EYS: variants seen among roughly 807,000 people sequenced by gnomAD.
EYS encodes the protein EGF-like photoreceptor maintenance factor, also known as protein eyes shut homolog.
A neutral mutation model predicts 282.1 loss-of-function variants in EYS; 250 were observed. The observed-to-expected ratio is 0.89, with a 90% CI of 0.80 to 0.98. EYS has a LOEUF of 0.98. Among genes scored for constraint, EYS ranks in the 50% least tolerant of loss-of-function variants. The pLI, the probability that EYS is intolerant of heterozygous loss-of-function variation, is 0.00. For missense variants in EYS, 4,016 were observed against 3,709.0 expected, an observed-to-expected ratio of 1.08 and a Z score of -2.15; for synonymous variants, 1,355 against 1,282.9, an observed-to-expected ratio of 1.06 and a Z score of -1.20.
At chr6:64,127,039 T>C (rs1428187857) in intron 31 of EYS, among the ~76,000 whole-genome samples, 3 of 152,192 alleles carry the variant, frequency 2.0e-5, no homozygotes, top group African/African-American at 7.2e-5. Flanking sequence ...CTGGAAGTAT[T>C]CTTAAATAAA....
chr6:64,499,622 T>A (rs533196478), intron 26 of EYS, among the ~76,000 whole-genome samples: 1 of 152,194 alleles, frequency 6.6e-6, no homozygotes, highest in East Asian at 1.9e-4. Context: ...ATATCCTACC[T>A]CTTATCTGTC....
chr6:64,949,749 A>G (rs1267208993), intron 14 of EYS, among the ~76,000 whole-genome samples: 1 of 151,910 alleles, frequency 6.6e-6, no homozygotes, highest in Non-Finnish European at 1.5e-5. Flanking sequence ...GGATCATCTT[A>G]AAATTTTGCC....
intron 29 of EYS, among the ~76,000 whole-genome samples, chr6:64,364,467 AG>A (rs955264303): frequency 1.3e-5 from 2 of 151,954 alleles, no homozygotes; most frequent in African/African-American, 4.8e-5. Context: ...TTTGTGAAAA[AG>A]TTTCTTGCTT....
At chr6:65,447,015 T>C (rs1768688876) in intron 5 of EYS, among the ~76,000 whole-genome samples, 1 of 151,636 alleles carries the variant, frequency 6.6e-6, no homozygotes, top group African/African-American at 2.4e-5. Flanking sequence ...TTGTATAGCC[T>C]ATCTTAATCC....
At chr6:65,214,098 G>A (rs1458821963) in intron 12 of EYS, among the ~76,000 whole-genome samples, 1 of 136,010 alleles carries the variant, frequency 7.4e-6, no homozygotes, top group African/African-American at 2.7e-5. Context: ...GGTGGAGCTT[G>A]CAGTGAGCCG....
rs1771463157 is a variant in EYS at position 65,001,391 on chromosome 6, T to G, written c.2138-3688A>C. Among the ~76,000 whole-genome samples the G allele has an allele frequency of 1.4e-5, 2 of 147,180 alleles. 1 individual carries two copies. The highest frequency in any genetic ancestry group is 3.0e-5 in the Non-Finnish European group (2 of 65,742). On this transcript the variant is annotated intron_variant, in intron 13 of 42. Transcript: ENST00000503581. ...GCCGCACAGTGGCCAAACTCCTCTCTGACCACTCCCAAACTCCTCTTGGTA... is the reference window on the plus strand; with the variant it reads ...GCCGCACAGTGGCCAAACTCCTCTCGGACCACTCCCAAACTCCTCTTGGTA...
intron 19 of EYS, among the ~76,000 whole-genome samples, chr6:64,878,376 A>C (rs945001767): frequency 6.6e-6 from 1 of 152,196 alleles, no homozygotes; most frequent in African/African-American, 2.4e-5. Flanking sequence ...AAGATAAAGA[A>C]GCTTTCTTCT....
At chr6:64,579,669 T>C (rs527530895) in intron 26 of EYS, among the ~76,000 whole-genome samples, 82 of 152,144 alleles carry the variant, frequency 5.4e-4, no homozygotes, top group African/African-American at 1.9e-3. Context: ...TTGGCTTAGG[T>C]CCTCTGCTTA....
chr6:65,489,900 T>C (rs1453100709), intron 5 of EYS: 1 of 152,220 alleles, frequency 6.6e-6, no homozygotes, highest in East Asian at 1.9e-4. Flanking sequence ...ACGCTGGAAG[T>C]TCTCAGTCAT....
intron 2 of EYS, among the ~76,000 whole-genome samples, chr6:65,549,982 T>A (rs1768542034): frequency 7.7e-6 from 1 of 130,324 alleles, no homozygotes; most frequent in Non-Finnish European, 1.6e-5. Context: ...AGGGGCAAGG[T>A]GGCAACCATC....
intron 2 of EYS, among the ~76,000 whole-genome samples, chr6:65,534,338 G>T (rs557458772): frequency 6.6e-6 from 1 of 152,208 alleles, no homozygotes; most frequent in Non-Finnish European, 1.5e-5. Flanking sequence ...AGTTTTATAT[G>T]AAGTTTACTG....
At position 65,031,640 on chromosome 6, in the gene EYS, A is replaced by G. The variant is rs142133407; in HGVS notation, c.2137+25974T>C. Among the ~76,000 whole-genome samples the G allele has an allele frequency of 5.3e-4, 80 of 152,290 alleles. 1 individual carries two copies. The highest frequency in any genetic ancestry group is 1.9e-3 in the African/African-American group (80 of 41,560). On this transcript the variant is annotated intron_variant, in intron 13 of 42. Coordinates refer to ENST00000503581, the MANE Select transcript of EYS (RefSeq NM_001142800.2). ...TACTCCTGAGTGATTTTTTGAGTAA[A>G]CAATGAAAGTAAGGCAAAAATCAAG...
chr6:64,806,455 T>G (rs1299787278), intron 22 of EYS, among the ~76,000 whole-genome samples: 1 of 152,044 alleles, frequency 6.6e-6, no homozygotes, highest in Non-Finnish European at 1.5e-5. Context: ...AACAATATTA[T>G]AGGATATCGT....
intron 29 of EYS, among the ~76,000 whole-genome samples, chr6:64,366,411 G>C (rs1772180925): frequency 6.6e-6 from 1 of 152,004 alleles, no homozygotes; most frequent in Admixed American, 6.6e-5. Flanking sequence ...GAGAGATAGA[G>C]ATCCTCACTA....
At chr6:64,571,980 C>CAAA (rs747171634) in intron 26 of EYS, among the ~76,000 whole-genome samples, 33 of 151,808 alleles carry the variant, frequency 2.2e-4, no homozygotes, top group Middle Eastern at 3.4e-3. Flanking sequence ...ACAACAACAA[C>CAAA]AAAATTTCAT....
At chr6:64,953,004 C>T (rs1035900448) in intron 14 of EYS, among the ~76,000 whole-genome samples, 1 of 151,682 alleles carries the variant, frequency 6.6e-6, no homozygotes, top group Non-Finnish European at 1.5e-5. Context: ...TTTTATTTAT[C>T]ATTTCTAGAT....
intron 2 of EYS, among the ~76,000 whole-genome samples, chr6:65,572,297 T>C (rs1482489881): frequency 1.3e-5 from 2 of 152,158 alleles, no homozygotes; most frequent in Non-Finnish European, 2.9e-5. Flanking sequence ...TAAATACATG[T>C]ATGTGAAACA....
intron 36 of EYS, among the ~76,000 whole-genome samples, chr6:63,838,722 G>A (rs1771873141): frequency 6.6e-6 from 1 of 152,112 alleles, no homozygotes; most frequent in African/African-American, 2.4e-5. Context: ...CTCCTAAAGA[G>A]TAGGCCTCTC....
chr6:63,886,015 T>C (rs1581934198), intron 35 of EYS, among the ~76,000 whole-genome samples: 1 of 152,202 alleles, frequency 6.6e-6, no homozygotes, highest in Admixed American at 6.5e-5. Flanking sequence ...TCATTTCTTA[T>C]GGTATGGCTT....
Sources: allele counts gnomAD v4.1 joint callset (sites outside exome capture counted in the v4.1 genomes callset), GRCh38; gene constraint gnomAD v4.1.1; transcripts MANE v1.5; gene names NCBI Gene and HGNC (gene_info 2026-07-23, HGNC 2026-07-21).